CDH19: variants seen among roughly 807,000 people sequenced by gnomAD.
CDH19 encodes the protein cadherin 19.
CDH19 carries 67 observed loss-of-function variants against 64.2 expected under a neutral mutation model. The observed-to-expected ratio is 1.04, with a 90% CI of 0.86 to 1.28. CDH19 has a LOEUF of 1.28. Among genes scored for constraint, CDH19 ranks in the 50% most tolerant of loss-of-function variants. CDH19 has a pLI of 0.00. For missense variants in CDH19, 1,030 were observed against 929.0 expected (o/e 1.11, Z -1.41); for synonymous variants, 346 against 319.3 (o/e 1.08, Z -0.89).
intron 7 of CDH19, 32 bp downstream of exon 7, chr18:66,543,939 T>C: frequency 6.7e-7 from 1 of 1,490,514 alleles, no homozygotes; most frequent in Non-Finnish European, 9.1e-7. Context: ...ATTTACTTAT[T>C]TATTAATGCA....
At chr18:66,511,514 T>A (rs201624001) in intron 10 of CDH19, 54 bp downstream of exon 10, 42 of 757,068 alleles carry the variant, frequency 5.5e-5, no homozygotes, top group Non-Finnish European at 6.8e-5. Flanking sequence ...TCCATTAAAG[T>A]CTAACATGAG....
intron 4 of CDH19, among the ~76,000 whole-genome samples, chr18:66,552,113 C>T (rs2144516891): frequency 6.6e-6 from 1 of 152,002 alleles, no homozygotes; most frequent in Middle Eastern, 3.4e-3. Flanking sequence ...GGGTAGCATG[C>T]TCACTACCTG....
At chr18:66,596,459 G>T (rs1440935875) in intron 1 of CDH19, among the ~76,000 whole-genome samples, 9 of 152,104 alleles carry the variant, frequency 5.9e-5, no homozygotes, top group African/African-American at 2.2e-4. Flanking sequence ...CAAAGTTTTG[G>T]GATACAATAT....
At chr18:66,586,480 A>G (rs1215237863) in intron 1 of CDH19, among the ~76,000 whole-genome samples, 2 of 152,016 alleles carry the variant, frequency 1.3e-5, no homozygotes, top group Non-Finnish European at 2.9e-5. Context: ...TGGTAATATT[A>G]AAATGGGGAA....
intron 9 of CDH19, among the ~76,000 whole-genome samples, chr18:66,526,476 T>C (rs1986224656): frequency 6.6e-6 from 1 of 152,122 alleles, no homozygotes; most frequent in South Asian, 2.1e-4. Context: ...TGTTTGTAGA[T>C]AATGGTATTT....
intron 1 of CDH19, among the ~76,000 whole-genome samples, chr18:66,600,522 A>C (rs1989011886): frequency 6.6e-6 from 1 of 151,928 alleles, no homozygotes; most frequent in South Asian, 2.1e-4. Flanking sequence ...CTGGTTTAAA[A>C]ATGCAATACA....
chr18:66,553,048 G>T (rs1191818799), intron 4 of CDH19, among the ~76,000 whole-genome samples: 1 of 133,702 alleles, frequency 7.5e-6, no homozygotes, highest in Admixed American at 7.2e-5. Context: ...ATTCTGCCTT[G>T]ACCACACAAC....
At chr18:66,596,901 T>C (rs1017895033) in intron 1 of CDH19, among the ~76,000 whole-genome samples, 13 of 149,060 alleles carry the variant, frequency 8.7e-5, no homozygotes, top group Non-Finnish European at 1.8e-4. Flanking sequence ...GCTAAAACGG[T>C]GAAACCCCGT....
chr18:66,541,774 C>T (rs2144475911), intron 7 of CDH19, among the ~76,000 whole-genome samples: 1 of 151,988 alleles, frequency 6.6e-6, no homozygotes, highest in African/African-American at 2.4e-5. Flanking sequence ...GTAATAATTG[C>T]CAGTATAAAG....
At chr18:66,576,873 A>G (rs1988282086) in intron 1 of CDH19, among the ~76,000 whole-genome samples, 1 of 151,790 alleles carries the variant, frequency 6.6e-6, no homozygotes. Flanking sequence ...GCAGGGTTGG[A>G]GGATACACGG....
intron 8 of CDH19, 73 bp from the exon 9 acceptor site, chr18:66,530,039 A>G (rs1175873199): frequency 1.4e-6 from 1 of 700,970 alleles, no homozygotes; most frequent in East Asian, 3.7e-5. Flanking sequence ...CATTAAAATT[A>G]CATTAGAGGC....
intron 1 of CDH19, among the ~76,000 whole-genome samples, chr18:66,594,428 A>G (rs1988826478): frequency 6.6e-6 from 1 of 152,116 alleles, no homozygotes; most frequent in Non-Finnish European, 1.5e-5. Flanking sequence ...ACAGACAACT[A>G]CAGAGCAGTC....
At chr18:66,530,996 AG>A (rs1986422547) in intron 8 of CDH19, among the ~76,000 whole-genome samples, 1 of 152,052 alleles carries the variant, frequency 6.6e-6, no homozygotes, top group Non-Finnish European at 1.5e-5. Flanking sequence ...CTCTCACCAC[AG>A]GTAAGAAGAA....
chr18:66,513,283 T>C (rs1985580708), intron 9 of CDH19, among the ~76,000 whole-genome samples: 2 of 151,458 alleles, frequency 1.3e-5, no homozygotes, highest in African/African-American at 4.8e-5. Context: ...TGTCAAAAGA[T>C]TTTTAATAAA....
chr18:66,603,039 A>G (rs992664664), intron 1 of CDH19, among the ~76,000 whole-genome samples: 1 of 151,096 alleles, frequency 6.6e-6, no homozygotes, highest in Non-Finnish European at 1.5e-5. Context: ...TTATCTAAAT[A>G]ATGTCTTTCT....
intron 9 of CDH19, among the ~76,000 whole-genome samples, chr18:66,525,940 G>A (rs754404048): frequency 8.5e-5 from 13 of 152,110 alleles, no homozygotes; most frequent in Non-Finnish European, 1.6e-4. Flanking sequence ...GCTGACCAAT[G>A]TCCCTTATTT....
At chr18:66,560,561 T>C (rs1400243847) in intron 3 of CDH19, among the ~76,000 whole-genome samples, 1 of 151,738 alleles carries the variant, frequency 6.6e-6, no homozygotes, top group Non-Finnish European at 1.5e-5. Context: ...AAAGCAAAAA[T>C]TTCAGAATCA....
chr18:66,554,516 C>A lies in CDH19; in HGVS notation c.499G>T (p.Val167Phe). Residue 167 changes from valine (V) to phenylalanine (F), a missense_variant, in exon 4 of 12, where the codon GTT (valine) becomes TTT (phenylalanine). Coordinates refer to ENST00000262150, the MANE Select transcript of CDH19 (RefSeq NM_021153.4). ...VPEMSPEGTL[V>F]IQVTASDADD... ...GCATCACTTGCTGTCACCTGGATAACTAATGTTCCTAAAGAGAACATAATA... is the reference window on the plus strand; with the variant it reads ...GCATCACTTGCTGTCACCTGGATAAATAATGTTCCTAAAGAGAACATAATA... The A allele has an allele frequency of 1.9e-6, 3 of 1,610,626 alleles. No individual in the cohort carries two copies. Among genetic ancestry groups the A allele is most frequent in the Non-Finnish European group, 2.5e-6 (3 of 1,177,672 alleles).
At chr18:66,588,410 G>A (rs966676582) in intron 1 of CDH19, among the ~76,000 whole-genome samples, 1 of 151,836 alleles carries the variant, frequency 6.6e-6, no homozygotes. Context: ...AAACTATGCT[G>A]GGTAGGAAAG....
Sources: allele counts gnomAD v4.1 joint callset (sites outside exome capture counted in the v4.1 genomes callset), GRCh38; gene constraint gnomAD v4.1.1; transcripts MANE v1.5; gene names NCBI Gene and HGNC (gene_info 2026-07-23, HGNC 2026-07-21).